Variants in SKP2 observed in about 807,000 individuals in gnomAD.
SKP2 encodes S-phase kinase associated protein 2.
In SKP2, 16 loss-of-function variants were observed where a neutral mutation model predicts 51.8. The observed-to-expected ratio is 0.31, with a 90% CI of 0.21 to 0.47. SKP2 has a LOEUF of 0.47. SKP2 is among the 20% of genes least tolerant of loss of function. The pLI, the probability that SKP2 is intolerant of heterozygous loss-of-function variation, is 1.00. For synonymous variants in SKP2, 176 were observed against 198.6 expected (o/e 0.89, Z 0.96); for missense variants, 377 against 505.3 (o/e 0.75, Z 2.43).
Position 36,182,990 on chromosome 5 carries a change from A to G in SKP2, c.*959A>G. 2 of 926,312 alleles carry G rather than the reference A, an allele frequency of 2.2e-6. No homozygotes were observed. Among genetic ancestry groups the G allele is most frequent in the Non-Finnish European group, 2.5e-6 (2 of 800,714 alleles). The allele number at this position is 926,312 out of a possible 1,614,324, so 57.4% of individuals were successfully genotyped here. On this transcript the variant is annotated 3_prime_UTR_variant, in exon 10 of 10. Coordinates refer to ENST00000274255, the MANE Select transcript of SKP2 (RefSeq NM_005983.4). ...ATTACTCTGGAATCAAGTATTTTAA[A>G]TTGTATTTTTTTTTTAAATGATCTC...
At chr5:36,187,225 G>A (rs995167750), downstream of SKP2, among the ~76,000 whole-genome samples, 2 of 151,918 alleles carry the variant, frequency 1.3e-5, no homozygotes, top group African/African-American at 2.4e-5. Context: ...TTTTTTGTGT[G>A]TCTGTCTCCT....
intron 2 of SKP2, among the ~76,000 whole-genome samples, chr5:36,159,134 GCTT>G (rs1355373036): frequency 2.6e-5 from 4 of 152,176 alleles, no homozygotes; most frequent in African/African-American, 9.7e-5. Flanking sequence ...GGGTGGGAAT[GCTT>G]CTTTGAGCAG....
At chr5:36,158,919 C>T (rs916494109) in intron 2 of SKP2, among the ~76,000 whole-genome samples, 1 of 152,200 alleles carries the variant, frequency 6.6e-6, no homozygotes, top group African/African-American at 2.4e-5. Context: ...TCATCCCCTC[C>T]ATATGCCAAC....
Position 36,182,770 on chromosome 5 carries a change from A to T in SKP2, c.*739A>T, listed in dbSNP as rs1256638311. The T allele has an allele frequency of 1.0e-6, 1 of 978,820 alleles. No homozygotes were observed. Among genetic ancestry groups the T allele is most frequent in the Non-Finnish European group, 1.2e-6 (1 of 824,092 alleles). The allele number at this position is 978,820 out of a possible 1,614,324, so 60.6% of individuals were successfully genotyped here. A position where few individuals can be genotyped will look rare whatever the true frequency, so the allele number is the denominator to read the frequency against. The stretch of plus-strand genomic sequence containing the variant: ...ACTGTGTTTCCAGAATCTAAATTAG[A>T]TGAGAAATATAATTGTGGTTTTCTA... On this transcript the variant is annotated 3_prime_UTR_variant, in exon 10 of 10. Transcript: ENST00000274255.
chr5:36,183,972 A>G lies in SKP2; in HGVS notation c.*1941A>G. On this transcript the variant is annotated 3_prime_UTR_variant, in exon 10 of 10. Coordinates refer to ENST00000274255, the MANE Select transcript of SKP2 (RefSeq NM_005983.4). ...ATGTCAGAGTAATCTGTATTTTTGTATGTGATTTCTACTTTTATAGACTTG... is the reference window on the plus strand; with the variant it reads ...ATGTCAGAGTAATCTGTATTTTTGTGTGTGATTTCTACTTTTATAGACTTG... The G allele has an allele frequency of 6.2e-7, 1 of 1,606,730 alleles. No individual in the cohort carries two copies. The highest frequency in any genetic ancestry group is 1.1e-5 in the South Asian group (1 of 89,822).
At chr5:36,162,946 A>G (rs994355420) in intron 2 of SKP2, among the ~76,000 whole-genome samples, 2 of 152,150 alleles carry the variant, frequency 1.3e-5, no homozygotes, top group African/African-American at 4.8e-5. Flanking sequence ...TTGTAAAACC[A>G]TAAGATCTTG....
downstream of SKP2, among the ~76,000 whole-genome samples, chr5:36,188,925 G>A (rs140761301): frequency 5.6e-3 from 855 of 152,146 alleles, 11 homozygotes; most frequent in African/African-American, 0.02. Context: ...GGCTTTGTTC[G>A]TTTCTTTTTA....
intron 8 of SKP2, 54 bp downstream of exon 8, chr5:36,177,070 A>G: frequency 1.4e-6 from 2 of 1,401,526 alleles, no homozygotes; most frequent in Non-Finnish European, 2.0e-6. Context: ...TTGATTTCTC[A>G]TTAAATTGGG....
chr5:36,165,033 T>C (rs749552314), intron 3 of SKP2, among the ~76,000 whole-genome samples: 119 of 152,248 alleles, frequency 7.8e-4, no homozygotes, highest in Non-Finnish European at 1.4e-3. Flanking sequence ...TCTGTGGCTT[T>C]GTATTCTTTG....
intron 1 of SKP2, 63 bp downstream of exon 1, chr5:36,152,333 G>T: frequency 7.0e-7 from 1 of 1,428,900 alleles, no homozygotes; most frequent in Non-Finnish European, 9.9e-7. Context: ...CTTTTAGGCC[G>T]CGAATATCGC....
At chr5:36,165,725 A>T (rs555263486) in intron 3 of SKP2, among the ~76,000 whole-genome samples, 3 of 152,358 alleles carry the variant, frequency 2.0e-5, no homozygotes, top group Middle Eastern at 3.4e-3. Context: ...AAGCACTATT[A>T]AAAAAGAAAA....
At chr5:36,166,705 G>A (rs182945229) in intron 4 of SKP2, 43 bp downstream of exon 4, 11 of 1,550,346 alleles carry the variant, frequency 7.1e-6, no homozygotes, top group Admixed American at 6.9e-5. Context: ...TCTAAATTTC[G>A]AGGTAGAAAC....
intron 2 of SKP2, among the ~76,000 whole-genome samples, chr5:36,154,405 C>T (rs1417455553): frequency 6.6e-6 from 1 of 152,038 alleles, no homozygotes; most frequent in Non-Finnish European, 1.5e-5. Context: ...AAGGGAGAGT[C>T]GGGGGAGATC....
At chr5:36,192,204 C>T (rs1746042303) in intron 6 of SKP2, among the ~76,000 whole-genome samples, 1 of 152,116 alleles carries the variant, frequency 6.6e-6, no homozygotes, top group South Asian at 2.1e-4. Context: ...GCCCCAATCC[C>T]TTGAGTACTT....
Position 36,183,769 on chromosome 5 carries a change from A to G in SKP2, c.*1738A>G, listed in dbSNP as rs2112019005. 1 of 1,466,026 alleles carries G rather than the reference A, an allele frequency of 6.8e-7. No individual in the cohort carries two copies. Among genetic ancestry groups the G allele is most frequent in the African/African-American group, 1.4e-5 (1 of 69,732 alleles). The allele number at this position is 1,466,026 out of a possible 1,614,324, so 90.8% of individuals were successfully genotyped here. On this transcript the variant is annotated 3_prime_UTR_variant, in exon 10 of 10. Coordinates refer to ENST00000274255, the MANE Select transcript of SKP2 (RefSeq NM_005983.4). The stretch of plus-strand genomic sequence containing the variant: ...GGAAGATTTTAAAGTTGGGTTGCAC[A>G]GGAAATGATGATGCTTCAATTTCTT...
rs761047966 is a variant in SKP2, at chr5:36,152,959, C to G, written c.197C>G (p.Pro66Arg). The change falls in exon 2 of 10, where the codon CCA becomes CGA. Residue 66 changes from proline to arginine, a missense_variant. Physicochemically the swap from Pro to Arg is moderately radical, Grantham distance 103 (BLOSUM62 -2). Transcript: ENST00000274255. ...LSNLGHPESP[P>R]RKRLKSKGSD... Reference sequence around the variant, plus strand: ...AACCTGGGCCACCCGGAGAGCCCCCCACGGAAACGGCTGAAGAGCAAAGGG... The same window carrying G: ...AACCTGGGCCACCCGGAGAGCCCCCGACGGAAACGGCTGAAGAGCAAAGGG... 5 of 1,614,022 alleles carry G rather than the reference C, an allele frequency of 3.1e-6. No homozygotes were observed. Among genetic ancestry groups the G allele is most frequent in the Non-Finnish European group, 4.2e-6 (5 of 1,180,018 alleles).
intron 9 of SKP2, among the ~76,000 whole-genome samples, chr5:36,178,554 C>T (rs114270473): frequency 0.025 from 3,782 of 152,094 alleles, 73 homozygotes; most frequent in Non-Finnish European, 0.036. Flanking sequence ...TAAATTCATG[C>T]GCATGAAACT....
intron 6 of SKP2, 75 bp downstream of exon 6, chr5:36,170,517 G>A (rs1745436495): frequency 2.2e-6 from 2 of 889,150 alleles, no homozygotes; most frequent in South Asian, 1.7e-5. Flanking sequence ...GTATAAAATG[G>A]GATGAACTTT....
Position 36,177,291 on chromosome 5 carries a change from C to T in SKP2, c.1060C>T (p.Leu354Phe). ...CTATGATATAATACCTGAAACTTTA[C>T]TGTAAGTATGTTTTGTTTTTAATGC... ...RCYDIIPETL[L>F]ELGEIPTLKT... Residue 354 changes from leucine to phenylalanine, a missense_variant and splice_region_variant, in exon 9 of 10, where the codon CTT becomes TTT. Physicochemically the swap from Leu to Phe is conservative, Grantham distance 22. Around this residue, in one of 2 missense-constraint regions of SKP2, gnomAD observed 262 missense variants for 389.8 expected, o/e 0.67. Coordinates refer to ENST00000274255, the MANE Select transcript of SKP2 (RefSeq NM_005983.4). The T allele has an allele frequency of 6.4e-7, 1 of 1,561,202 alleles. No individual in the cohort carries two copies. Among genetic ancestry groups the T allele is most frequent in the South Asian group, 1.1e-5 (1 of 89,962 alleles).
Sources: allele counts gnomAD v4.1 joint callset (sites outside exome capture counted in the v4.1 genomes callset), GRCh38; gene constraint gnomAD v4.1.1; regional missense constraint gnomAD v4.1.1; transcripts MANE v1.5; gene names NCBI Gene and HGNC (gene_info 2026-07-23, HGNC 2026-07-21).